DNAH9: variants seen among roughly 807,000 people sequenced by gnomAD.
DNAH9 encodes DNAH9 variant protein.
Under a neutral mutation model 471.6 loss-of-function variants are expected in DNAH9, and 345 were observed. The observed-to-expected ratio is 0.73, with a 90% CI of 0.67 to 0.80. DNAH9 has a LOEUF of 0.80. Ranked by LOEUF, DNAH9 falls within the 30% of genes least tolerant of loss-of-function variation. DNAH9 has a pLI of 0.00. For missense variants in DNAH9, 5,407 were observed against 5,609.2 expected, an observed-to-expected ratio of 0.96 and a Z score of 1.15; for synonymous variants, 2,093 against 2,123.6, an observed-to-expected ratio of 0.99 and a Z score of 0.40.
Position 11,623,370 on chromosome 17 carries a change from T to C in DNAH9, c.1350+3589T>C, listed in dbSNP as rs1039143603. ...CCCCTTTCACTTTGTTCTCCTTCTC[T>C]ATTTTCTAACTTCCCTGACCTCTTT... On this transcript the variant is annotated intron_variant, in intron 6 of 68. Transcript: ENST00000262442. This position sits in a 1 kb window ranked among gnomAD's most constrained non-coding sequence, Gnocchi z 4.1. 1.3e-5 allele frequency among the ~76,000 whole-genome samples: 2 copies of C among 152,152 alleles called. No homozygotes were observed. The highest frequency in any genetic ancestry group is 4.8e-5 in the African/African-American group (2 of 41,450).
intron 53 of DNAH9, among the ~76,000 whole-genome samples, chr17:11,879,659 CCA>C (rs111794435): frequency 0.094 from 14,240 of 151,618 alleles, 761 homozygotes; most frequent in African/African-American, 0.15. Context: ...GGCCTAATAC[CCA>C]GTCATTTAAA....
At chr17:11,908,891 A>G (rs1973694572) in intron 61 of DNAH9, among the ~76,000 whole-genome samples, 1 of 152,220 alleles carries the variant, frequency 6.6e-6, no homozygotes, top group Non-Finnish European at 1.5e-5. Context: ...GTTCTGAGCC[A>G]GTGAAGTCCT....
chr17:11,937,329 G>T lies in DNAH9; in HGVS notation c.12490-23G>T. 6.3e-7 allele frequency: 1 copy of T among 1,587,798 alleles called. No homozygotes were observed. Among genetic ancestry groups the T allele is most frequent in the Non-Finnish European group, 8.6e-7 (1 of 1,165,386 alleles). ...GAGGTACGTCCTGGTTTCTTTTTAA[G>T]TGAGCTTGCCCTTGATTTTCAGTAC... On this transcript the variant is annotated intron_variant, in intron 65 of 68. Transcript: ENST00000262442. The surrounding 1 kb of genome is among the most constrained non-coding windows in gnomAD (Gnocchi z 4.1).
intron 1 of DNAH9, among the ~76,000 whole-genome samples, chr17:11,605,476 T>TTTG (rs768621859): frequency 7.2e-4 from 109 of 151,136 alleles, no homozygotes; most frequent in Middle Eastern, 3.4e-3. Flanking sequence ...AGCTTTTTGG[T>TTTG]CTGTTGTTGT....
At chr17:11,871,343 C>T (rs1972254115) in intron 51 of DNAH9, among the ~76,000 whole-genome samples, 1 of 152,180 alleles carries the variant, frequency 6.6e-6, no homozygotes. Context: ...TATCAGTCTC[C>T]ACACACAGAA....
rs1384005248 is a variant in DNAH9, at chr17:11,701,209, A to G, written c.5113A>G (p.Lys1705Glu). The change falls in exon 24 of 69, where the codon AAG becomes GAG. Residue 1705 changes from lysine (K) to glutamate (E), a missense_variant. Physicochemically the swap from Lys to Glu is moderately conservative, Grantham distance 56. Around this residue, in one of 3 missense-constraint regions of DNAH9, gnomAD observed 4,636 missense variants for 4,900.3 expected, o/e 0.95. Coordinates refer to ENST00000262442, the MANE Select transcript of DNAH9 (RefSeq NM_001372.4). ...AGAAGGTGTAACTGCCTATGAAGAA[A>G]AGCCGAGGGAGCAGTGGCTTTTTGA... is the stretch of plus-strand genomic sequence containing the variant. The part of the protein sequence containing the change: ...MTEGVTAYEE[K>E]PREQWLFDHP... 1.2e-6 allele frequency: 2 copies of G among 1,613,982 alleles called. No individual in the cohort carries two copies. Among genetic ancestry groups the G allele is most frequent in the South Asian group, 1.1e-5 (1 of 91,068 alleles).
chr17:11,663,112 C>T (rs1002943355), intron 14 of DNAH9, among the ~76,000 whole-genome samples: 1 of 152,164 alleles, frequency 6.6e-6, no homozygotes, highest in African/African-American at 2.4e-5. Context: ...GCAGCTCTAA[C>T]TTATGGTGTT....
rs771121911 is a variant in DNAH9, at chr17:11,881,200, A to T, written c.10602-9A>T. 1.8e-5 allele frequency: 29 copies of T among 1,614,176 alleles called. No homozygotes were observed. Among genetic ancestry groups the T allele is most frequent in the Middle Eastern group, 1.6e-4 (1 of 6,062 alleles). On this transcript the variant is annotated splice_polypyrimidine_tract_variant and intron_variant, in intron 54 of 68. Transcript: ENST00000262442. ...GCACCTTACCTTCACATGAGCCTTT[A>T]TGTTCCAGATTCATTAAAATTGGAG...
chr17:11,773,151 G>C (rs1482861868), intron 38 of DNAH9, among the ~76,000 whole-genome samples: 2 of 152,196 alleles, frequency 1.3e-5, no homozygotes, highest in Non-Finnish European at 2.9e-5. Context: ...GAGGCAAACT[G>C]TTGCACCTCC....
At chr17:11,687,307 A>C (rs2074257884) in intron 19 of DNAH9, among the ~76,000 whole-genome samples, 1 of 152,212 alleles carries the variant, frequency 6.6e-6, no homozygotes, top group Non-Finnish European at 1.5e-5. Flanking sequence ...AAACATAACG[A>C]GCGTCGAAGT....
chr17:11,638,323 G>A (rs750992441), intron 9 of DNAH9, among the ~76,000 whole-genome samples: 9 of 152,108 alleles, frequency 5.9e-5, no homozygotes, highest in Non-Finnish European at 1.2e-4. Flanking sequence ...GCCTCCAGAA[G>A]CTATATCGGT....
At chr17:11,752,772 T>C in intron 32 of DNAH9, 61 bp from the exon 33 acceptor site, 2 of 1,417,974 alleles carry the variant, frequency 1.4e-6, no homozygotes, top group Non-Finnish European at 1.9e-6. Context: ...GGGAAAGCTG[T>C]GTTTAAGTGA....
intron 28 of DNAH9, 47 bp from the exon 29 acceptor site, chr17:11,738,833 A>G: frequency 7.0e-6 from 11 of 1,578,926 alleles, no homozygotes; most frequent in Non-Finnish European, 9.6e-6. Context: ...TGATCCCTCC[A>G]CTAAAAGGCA....
chr17:11,601,327 G>A (rs532429150), intron 1 of DNAH9, among the ~76,000 whole-genome samples: 46 of 149,898 alleles, frequency 3.1e-4, no homozygotes, highest in African/African-American at 1.1e-3. Flanking sequence ...AAAGAAAGGA[G>A]GGGAAGAAGA....
At position 11,892,951 on chromosome 17, in the gene DNAH9, T is replaced by G. The variant is rs1973097109; in HGVS notation, c.11283+1004T>G. Among the ~76,000 whole-genome samples the G allele has an allele frequency of 6.6e-6, 1 of 152,032 alleles. No individual in the cohort carries two copies. The highest frequency in any genetic ancestry group is 2.4e-5 in the African/African-American group (1 of 41,398). ...ACAGACTAATTATCTCGAAGGCCCT[T>G]TCCTTGAATCTTCTGATCCGTAGTC... On this transcript the variant is annotated intron_variant, in intron 58 of 68. Coordinates refer to ENST00000262442, the MANE Select transcript of DNAH9 (RefSeq NM_001372.4). This position sits in a 1 kb window ranked among gnomAD's most constrained non-coding sequence, Gnocchi z 4.3.
At chr17:11,615,142 G>A (rs2072715250) in intron 4 of DNAH9, among the ~76,000 whole-genome samples, 1 of 152,146 alleles carries the variant, frequency 6.6e-6, no homozygotes. Flanking sequence ...AATGGACATG[G>A]TAGGAATACT....
chr17:11,846,059 A>G (rs1178567594), intron 49 of DNAH9, among the ~76,000 whole-genome samples: 1 of 151,500 alleles, frequency 6.6e-6, no homozygotes, highest in Non-Finnish European at 1.5e-5. Context: ...TTGGTGTTCT[A>G]GACATGAAGT....
intron 56 of DNAH9, chr17:11,884,242 C>A: frequency 5.7e-6 from 1 of 175,372 alleles, no homozygotes; most frequent in Non-Finnish European, 1.2e-5. Flanking sequence ...AAAACTGTAT[C>A]ATCCTGGGAA....
chr17:11,742,678 G>T (rs1319533956), intron 30 of DNAH9, among the ~76,000 whole-genome samples: 1 of 152,210 alleles, frequency 6.6e-6, no homozygotes, highest in Non-Finnish European at 1.5e-5. Context: ...GTGTTAACCA[G>T]CTTTGAGCTT....
Sources: allele counts gnomAD v4.1 joint callset (sites outside exome capture counted in the v4.1 genomes callset), GRCh38; gene constraint gnomAD v4.1.1; regional missense constraint gnomAD v4.1.1; non-coding constraint Gnocchi (gnomAD v3.1); transcripts MANE v1.5; gene names NCBI Gene and HGNC (gene_info 2026-07-23, HGNC 2026-07-21).